The following CAP2 variants were observed in gnomAD, a reference collection of about 807,000 sequenced individuals.
CAP2 encodes the protein cyclase associated actin cytoskeleton regulatory protein 2.
In CAP2, 24 loss-of-function variants were observed where a neutral mutation model predicts 57.7. That is an observed-to-expected ratio of 0.42 (90% CI 0.30 to 0.58). The LOEUF (loss-of-function observed/expected upper bound fraction) is 0.58. CAP2 is among the 20% of genes least tolerant of loss of function. The pLI, the probability that CAP2 is intolerant of heterozygous loss-of-function variation, is 0.22. For missense variants in CAP2, 501 were observed against 590.3 expected (o/e 0.85, Z 1.57); for synonymous variants, 194 against 207.2 (o/e 0.94, Z 0.55).
At chr6:17,491,984 T>C (rs887033144) in intron 4 of CAP2, among the ~76,000 whole-genome samples, 2 of 152,226 alleles carry the variant, frequency 1.3e-5, no homozygotes, top group Admixed American at 1.3e-4. Context: ...ATAAATCCCA[T>C]TGTCTATCCA....
intron 4 of CAP2, among the ~76,000 whole-genome samples, chr6:17,463,303 AAAAG>A (rs1396864715): frequency 3.3e-5 from 5 of 152,018 alleles, no homozygotes; most frequent in Non-Finnish European, 5.9e-5. Flanking sequence ...TGCGAAAAAA[AAAAG>A]AAAGAAAAAA....
Position 17,426,679 on chromosome 6 carries a change from G to A in CAP2, c.211G>A (p.Val71Met), listed in dbSNP as rs772168818. The A allele has an allele frequency of 6.8e-6, 11 of 1,611,570 alleles. No individual in the cohort carries two copies. The highest frequency in any genetic ancestry group is 4.0e-5 in the African/African-American group (3 of 74,874). ...GAACAGTAGGATCCTTGCTGGGGAC[G>A]TGGAGACCCATGTAAGTACTTTCCT... is the stretch of plus-strand genomic sequence containing the variant. ...LKNSRILAGD[V>M]ETHAEMVHSA... Residue 71 changes from valine to methionine, a missense_variant, in exon 3 of 13, where the codon GTG becomes ATG. Transcript: ENST00000229922.
At chr6:17,414,064 A>AG (rs1055100547) in intron 1 of CAP2, among the ~76,000 whole-genome samples, 1 of 152,128 alleles carries the variant, frequency 6.6e-6, no homozygotes, top group African/African-American at 2.4e-5. Context: ...AAAAAAAAAA[A>AG]AAAAGAGTTT....
chr6:17,548,801 A>G (rs574248435), intron 11 of CAP2, among the ~76,000 whole-genome samples: 8 of 152,232 alleles, frequency 5.3e-5, no homozygotes, highest in Non-Finnish European at 8.8e-5. Context: ...AAATCAATAG[A>G]TGCATAGATG....
Position 17,507,189 on chromosome 6 carries a change from G to A in CAP2, c.321G>A (p.Leu107=), listed in dbSNP as rs1762010311. The A allele has an allele frequency of 5.6e-6, 9 of 1,614,046 alleles. No individual in the cohort carries two copies. The highest frequency in any genetic ancestry group is 7.6e-6 in the Non-Finnish European group (9 of 1,180,032). Residue 107 remains leucine, a synonymous_variant, in exon 5 of 13, where the codon CTG becomes CTA. Coordinates refer to ENST00000229922, the MANE Select transcript of CAP2 (RefSeq NM_006366.3). ...QPHENDVAAL[L]KPISEKIQEI... is the part of the protein sequence containing the mutation. ...TACAGAATGACGTGGCCGCACTTCT[G>A]AAACCCATATCGGAAAAGATTCAGG...
chr6:17,478,392 C>T (rs144248856), intron 4 of CAP2, among the ~76,000 whole-genome samples: 53 of 151,742 alleles, frequency 3.5e-4, no homozygotes, highest in African/African-American at 1.2e-3. Flanking sequence ...GCAATCCACC[C>T]GCCTCAGCCT....
chr6:17,481,492 A>T (rs1294984372), intron 4 of CAP2, among the ~76,000 whole-genome samples: 1 of 152,202 alleles, frequency 6.6e-6, no homozygotes, highest in Non-Finnish European at 1.5e-5. Context: ...TGTAATTATT[A>T]TCTGAGATCC....
intron 3 of CAP2, among the ~76,000 whole-genome samples, chr6:17,452,413 A>G (rs929217135): frequency 4.6e-5 from 7 of 152,222 alleles, no homozygotes; most frequent in Non-Finnish European, 1.0e-4. Context: ...CCACTTCCTA[A>G]TGGCACACTG....
chr6:17,452,870 C>G (rs1240394763), intron 3 of CAP2, among the ~76,000 whole-genome samples: 1 of 152,080 alleles, frequency 6.6e-6, no homozygotes, highest in African/African-American at 2.4e-5. Flanking sequence ...CTACATATGT[C>G]AGTTCATGGG....
chr6:17,423,705 T>C (rs552986125), intron 2 of CAP2, among the ~76,000 whole-genome samples: 1 of 152,304 alleles, frequency 6.6e-6, no homozygotes, highest in African/African-American at 2.4e-5. Flanking sequence ...AAAAAAAGAT[T>C]TTTTCTAGGA....
At chr6:17,543,580 G>A (rs1012542408) in intron 11 of CAP2, among the ~76,000 whole-genome samples, 2 of 142,522 alleles carry the variant, frequency 1.4e-5, no homozygotes, top group African/African-American at 2.6e-5. Context: ...AGCCAAGATC[G>A]CGCCACTGCA....
intron 8 of CAP2, among the ~76,000 whole-genome samples, chr6:17,540,313 C>T (rs55983005): frequency 0.091 from 13,804 of 152,128 alleles, 768 homozygotes; most frequent in South Asian, 0.15. Flanking sequence ...ATGCCCTAAC[C>T]TTTTAGGCTG....
At chr6:17,407,778 CAAAAAAAAAAAA>C (rs60480016) in intron 1 of CAP2, among the ~76,000 whole-genome samples, 7 of 69,356 alleles carry the variant, frequency 1.0e-4, no homozygotes, top group Admixed American at 9.5e-4. Flanking sequence ...GACTCGGTCT[CAAAAAAAAAAAA>C]AAAAAAAAAA....
chr6:17,487,686 G>A (rs1761452243), intron 4 of CAP2, among the ~76,000 whole-genome samples: 2 of 152,188 alleles, frequency 1.3e-5, no homozygotes, highest in Admixed American at 1.3e-4. Context: ...GGCCAGGCTG[G>A]TCTCGAACTT....
At chr6:17,400,150 C>G (rs1237894907) in intron 1 of CAP2, among the ~76,000 whole-genome samples, 3 of 152,024 alleles carry the variant, frequency 2.0e-5, no homozygotes, top group African/African-American at 7.2e-5. Flanking sequence ...CGCTTGAACC[C>G]GGGAGGCGGA....
Position 17,432,118 on chromosome 6 carries a change from A to G in CAP2, c.222+5428A>G, listed in dbSNP as rs180953435. On this transcript the variant is annotated intron_variant, in intron 3 of 12. Coordinates refer to ENST00000229922, the MANE Select transcript of CAP2 (RefSeq NM_006366.3). ...AGTTGTCACATCTTCCTTTACATGA[A>G]TCTTATCTCTGAAACATATAATAGC... Among the ~76,000 whole-genome samples the G allele has an allele frequency of 8.3e-4, 127 of 152,274 alleles. 1 individual carries two copies. Among genetic ancestry groups the G allele is most frequent in the African/African-American group, 2.6e-3 (106 of 41,550 alleles).
intron 4 of CAP2, among the ~76,000 whole-genome samples, chr6:17,474,971 C>A (rs1474716793): frequency 6.6e-6 from 1 of 151,956 alleles, no homozygotes; most frequent in Non-Finnish European, 1.5e-5. Flanking sequence ...CCGAGGCGGG[C>A]GGATCACAAG....
At chr6:17,527,978 T>C (rs561999561) in intron 7 of CAP2, among the ~76,000 whole-genome samples, 66 of 152,332 alleles carry the variant, frequency 4.3e-4, no homozygotes, top group Non-Finnish European at 8.1e-4. Flanking sequence ...ACTTTGAGCA[T>C]GTAGAAAAGA....
chr6:17,464,746 G>T (rs1760819050), intron 4 of CAP2, among the ~76,000 whole-genome samples: 1 of 152,224 alleles, frequency 6.6e-6, no homozygotes, highest in African/African-American at 2.4e-5. Flanking sequence ...AATATTCCGT[G>T]TTCCACCATG....
Sources: allele counts gnomAD v4.1 joint callset (sites outside exome capture counted in the v4.1 genomes callset), GRCh38; gene constraint gnomAD v4.1.1; transcripts MANE v1.5; gene names NCBI Gene and HGNC (gene_info 2026-07-23, HGNC 2026-07-21).